SOX5: variants seen among roughly 807,000 people sequenced by gnomAD.
SOX5 encodes SRY-box transcription factor 5.
SOX5 carries 9 observed loss-of-function variants against 92.0 expected under a neutral mutation model. The ratio of observed to expected loss-of-function variants is 0.10; its 90% CI spans 0.06 to 0.17. The LOEUF is 0.17. Among genes scored for constraint, SOX5 ranks in the 10% least tolerant of loss-of-function variants. The pLI is 1.00. For synonymous variants in SOX5, 344 were observed against 336.3 expected (o/e 1.02, Z -0.25); for missense variants, 642 against 944.5 (o/e 0.68, Z 4.20).
At chr12:24,347,733 A>C (rs1953491671) in intron 2 of SOX5, among the ~76,000 whole-genome samples, 1 of 152,230 alleles carries the variant, frequency 6.6e-6, no homozygotes, top group Non-Finnish European at 1.5e-5. Context: ...CTGTATGTTA[A>C]CAACTGTAGG....
intron 1 of SOX5, among the ~76,000 whole-genome samples, chr12:24,422,226 A>G (rs1309216654): frequency 1.3e-5 from 2 of 152,186 alleles, no homozygotes; most frequent in Non-Finnish European, 2.9e-5. Context: ...TTTCAAAGGC[A>G]TTTTCAGTAA....
chr12:23,982,846 A>C (rs1435903702), intron 4 of SOX5, among the ~76,000 whole-genome samples: 3 of 152,126 alleles, frequency 2.0e-5, no homozygotes, highest in African/African-American at 7.2e-5. Flanking sequence ...AAGCCATTGA[A>C]TCCAGTATAT....
intron 3 of SOX5, among the ~76,000 whole-genome samples, chr12:24,268,183 C>A (rs1437414928): frequency 6.6e-6 from 1 of 152,152 alleles, no homozygotes; most frequent in Non-Finnish European, 1.5e-5. Flanking sequence ...TATGTACATA[C>A]ACTTGAAACA....
chr12:24,355,377 G>A (rs144781785), intron 2 of SOX5, among the ~76,000 whole-genome samples: 1,395 of 131,162 alleles, frequency 0.011, 20 homozygotes, highest in African/African-American at 0.039. Context: ...GTGCAATTTC[G>A]GCTCACTGTA....
At chr12:23,649,617 A>C (rs1048291171) in intron 7 of SOX5, among the ~76,000 whole-genome samples, 3 of 152,158 alleles carry the variant, frequency 2.0e-5, no homozygotes, top group African/African-American at 7.2e-5. Flanking sequence ...AAATTTTTCA[A>C]AAAGCTAAAA....
At chr12:24,138,582 G>A (rs1293260196) in intron 4 of SOX5, among the ~76,000 whole-genome samples, 3 of 152,220 alleles carry the variant, frequency 2.0e-5, no homozygotes, top group African/African-American at 7.2e-5. Context: ...AAGCATTTGT[G>A]TAGAGGAGGT....
At chr12:23,853,458 A>G (rs746159489) in intron 2 of SOX5, among the ~76,000 whole-genome samples, 1 of 151,906 alleles carries the variant, frequency 6.6e-6, no homozygotes, top group South Asian at 2.1e-4. Context: ...CTGATTATCA[A>G]TAAGAGATGC....
chr12:24,219,107 A>G (rs1451171116), intron 3 of SOX5, among the ~76,000 whole-genome samples: 2 of 152,226 alleles, frequency 1.3e-5, no homozygotes, highest in East Asian at 3.9e-4. Context: ...TTTTAGCTGC[A>G]AAACCAAAAT....
intron 2 of SOX5, among the ~76,000 whole-genome samples, chr12:24,320,864 C>CAAAAA (rs71063308): frequency 7.4e-6 from 1 of 135,678 alleles, no homozygotes; most frequent in South Asian, 2.4e-4. Context: ...GACTCTGTCT[C>CAAAAA]AAAAAAAAAT....
chr12:24,509,687 G>T (rs1175796444), intron 1 of SOX5, among the ~76,000 whole-genome samples: 1 of 152,144 alleles, frequency 6.6e-6, no homozygotes, highest in Non-Finnish European at 1.5e-5. Context: ...AGAATGCCCC[G>T]GCCTCTCATT....
At chr12:23,556,277 T>C (rs1381111310) in intron 11 of SOX5, among the ~76,000 whole-genome samples, 1 of 152,226 alleles carries the variant, frequency 6.6e-6, no homozygotes, top group Non-Finnish European at 1.5e-5. Flanking sequence ...GCCGTTTCCC[T>C]TTCATTTTAT....
intron 4 of SOX5, among the ~76,000 whole-genome samples, chr12:24,160,506 A>G (rs914177074): frequency 3.3e-5 from 5 of 152,032 alleles, no homozygotes; most frequent in African/African-American, 1.2e-4. Context: ...TTCTGTTATT[A>G]GAAAGATCAC....
At chr12:24,458,866 G>GTT (rs1943314255) in intron 1 of SOX5, among the ~76,000 whole-genome samples, 1 of 152,148 alleles carries the variant, frequency 6.6e-6, no homozygotes, top group South Asian at 2.1e-4. Flanking sequence ...TGGAATTCTA[G>GTT]AACATTCCAA....
intron 6 of SOX5, among the ~76,000 whole-genome samples, chr12:23,704,168 A>G (rs148438374): frequency 4.7e-4 from 72 of 151,962 alleles, no homozygotes; most frequent in African/African-American, 1.7e-3. Context: ...CCCATCTTCT[A>G]ACGCTTGTGT....
intron 2 of SOX5, among the ~76,000 whole-genome samples, chr12:24,314,806 T>C (rs1186342923): frequency 1.3e-5 from 2 of 152,220 alleles, no homozygotes; most frequent in East Asian, 3.9e-4. Context: ...CTACCTGCCA[T>C]CCACCATGAA....
chr12:23,609,662 ATATAC>A (rs1196762958), intron 8 of SOX5, among the ~76,000 whole-genome samples: 4 of 151,508 alleles, frequency 2.6e-5, no homozygotes, highest in African/African-American at 7.3e-5. Flanking sequence ...GCCAAAACAC[ATATAC>A]TATATTTTTC....
intron 7 of SOX5, among the ~76,000 whole-genome samples, chr12:23,663,305 A>G (rs775029550): frequency 7.2e-5 from 11 of 152,210 alleles, no homozygotes; most frequent in Non-Finnish European, 1.2e-4. Context: ...TTTAAGCACT[A>G]AAAGTATGAA....
chr12:24,361,253 C>G (rs1015077455), intron 2 of SOX5, among the ~76,000 whole-genome samples: 4 of 152,104 alleles, frequency 2.6e-5, no homozygotes, highest in Non-Finnish European at 4.4e-5. Context: ...TCAGTGATGG[C>G]CCCAGTGCAT....
chr12:24,455,477 T>G (rs566720949), intron 1 of SOX5, among the ~76,000 whole-genome samples: 5 of 152,264 alleles, frequency 3.3e-5, no homozygotes, highest in Non-Finnish European at 4.4e-5. Context: ...ATGAGAGAGA[T>G]CCCTTAGAAA....
Sources: gnomAD v4.1 joint callset for allele counts (sites outside exome capture counted in the v4.1 genomes callset) on GRCh38, gnomAD v4.1.1 for gene constraint, MANE v1.5 for transcripts, NCBI Gene and HGNC (gene_info 2026-07-23, HGNC 2026-07-21) for gene names.